The following ST8SIA2 variants were observed in gnomAD, a reference collection of about 807,000 sequenced individuals.
ST8SIA2 encodes the protein alpha-2,8-sialyltransferase 8B.
Under a neutral mutation model 37.6 loss-of-function variants are expected in ST8SIA2, and 22 were observed. The ratio of observed to expected loss-of-function variants is 0.58; its 90% CI spans 0.42 to 0.83. ST8SIA2 has a LOEUF of 0.83. Ranked by LOEUF, ST8SIA2 falls within the 40% of genes least tolerant of loss-of-function variation. The pLI, the probability that ST8SIA2 is intolerant of heterozygous loss-of-function variation, is 0.00. For missense variants in ST8SIA2, 382 were observed against 484.7 expected, an observed-to-expected ratio of 0.79 and a Z score of 1.99; for synonymous variants, 205 against 201.2, an observed-to-expected ratio of 1.02 and a Z score of -0.16.
At chr15:92,443,493 C>T (rs1262345542) in intron 4 of ST8SIA2, among the ~76,000 whole-genome samples, 4 of 152,184 alleles carry the variant, frequency 2.6e-5, no homozygotes, top group African/African-American at 9.7e-5. Flanking sequence ...CCATCCCCTC[C>T]AATCCATACT....
At position 92,433,264 on chromosome 15, in the gene ST8SIA2, T is replaced by G. The variant is rs75773971; in HGVS notation, c.162-983T>G. ...ATGTTTGGTTTGAACTCTTTAAAGC[T>G]TCAGAATGTGTCATCACAAATCCAC... On this transcript the variant is annotated intron_variant, in intron 2 of 5. Coordinates refer to ENST00000268164, the MANE Select transcript of ST8SIA2 (RefSeq NM_006011.4). Among the ~76,000 whole-genome samples, 1,353 of 152,350 alleles carry G rather than the reference T, an allele frequency of 8.9e-3. 15 individuals are homozygous for G. Among genetic ancestry groups the G allele is most frequent in the African/African-American group, 0.03 (1,237 of 41,574 alleles).
Position 92,464,675 on chromosome 15 carries a change from C to T in ST8SIA2, c.*290C>T. ...CAATCCATCTTTGGGGGTGGAAGGACTTGACATGAAAAGAAGCCAGTCCCA... is the reference window on the plus strand; with the variant it reads ...CAATCCATCTTTGGGGGTGGAAGGATTTGACATGAAAAGAAGCCAGTCCCA... On this transcript the variant is annotated 3_prime_UTR_variant, in exon 6 of 6. Coordinates refer to ENST00000268164, the MANE Select transcript of ST8SIA2 (RefSeq NM_006011.4). 2.3e-6 allele frequency: 1 copy of T among 437,926 alleles called. No individual in the cohort carries two copies. The highest frequency in any genetic ancestry group is 2.7e-5 in the South Asian group (1 of 36,872). 27.1% of individuals were successfully genotyped at this position (437,926 alleles called of 1,614,324 possible).
chr15:92,451,716 G>A (rs140047615), intron 5 of ST8SIA2, among the ~76,000 whole-genome samples: 16 of 152,222 alleles, frequency 1.1e-4, no homozygotes, highest in African/African-American at 3.6e-4. Flanking sequence ...CATGCCGCAC[G>A]CCATGCCAAG....
At position 92,465,952 on chromosome 15, in the gene ST8SIA2, G is replaced by C. The variant is rs1309479268; in HGVS notation, c.*1567G>C. The stretch of plus-strand genomic sequence containing the variant: ...ACAGTGTTTTAAAACATATTTGAAA[G>C]GTAAGTAAAAAACTACCATCTTGAA... On this transcript the variant is annotated 3_prime_UTR_variant, in exon 6 of 6. Coordinates refer to ENST00000268164, the MANE Select transcript of ST8SIA2 (RefSeq NM_006011.4). 1 of 152,048 alleles carries C rather than the reference G, an allele frequency of 6.6e-6. No individual in the cohort carries two copies. Among genetic ancestry groups the C allele is most frequent in the Non-Finnish European group, 1.5e-5 (1 of 68,002 alleles). The allele number at this position is 152,048 out of a possible 1,614,324, so 9.4% of individuals were successfully genotyped here. A position where few individuals can be genotyped will look rare whatever the true frequency, so the allele number is the denominator to read the frequency against.
intron 1 of ST8SIA2, among the ~76,000 whole-genome samples, chr15:92,429,041 TC>T (rs1168039839): frequency 1.3e-5 from 2 of 151,976 alleles, no homozygotes; most frequent in Non-Finnish European, 2.9e-5. Flanking sequence ...AGGCAATAAC[TC>T]CCCCCGCAGT....
chr15:92,427,815 C>T (rs1398310342), intron 1 of ST8SIA2, among the ~76,000 whole-genome samples: 1 of 152,206 alleles, frequency 6.6e-6, no homozygotes, highest in Non-Finnish European at 1.5e-5. Context: ...AAAACCCTGT[C>T]TCTACTAAAA....
chr15:92,451,174 A>G (rs2049879137), intron 5 of ST8SIA2, among the ~76,000 whole-genome samples: 1 of 152,212 alleles, frequency 6.6e-6, no homozygotes, highest in African/African-American at 2.4e-5. Context: ...AAGTGGCACA[A>G]CCAGGAACTG....
Position 92,444,733 on chromosome 15 carries a change from G to T in ST8SIA2, c.646G>T (p.Asp216Tyr), listed in dbSNP as rs1175091458. ...NPSVIQRAFE[D>Y]LVNATWREKL... ...CTCGGTCATCCAGCGGGCCTTTGAG[G>T]ACTTGGTCAATGCCACGTGGCGGGA... Residue 216 changes from aspartate (D) to tyrosine (Y), a missense_variant, in exon 5 of 6, where the codon GAC becomes TAC. By Grantham distance (160) the Asp-to-Tyr change is radical. Coordinates refer to ENST00000268164, the MANE Select transcript of ST8SIA2 (RefSeq NM_006011.4). The T allele has an allele frequency of 6.2e-7, 1 of 1,614,240 alleles. No homozygotes were observed.
chr15:92,464,524 A>G lies in ST8SIA2; in HGVS notation c.*139A>G. The stretch of plus-strand genomic sequence containing the variant: ...TAAAGTGTAAAACAGTGACCAGAAT[A>G]TATATATCTATACCTGCATATATAT... On this transcript the variant is annotated 3_prime_UTR_variant, in exon 6 of 6. Coordinates refer to ENST00000268164, the MANE Select transcript of ST8SIA2 (RefSeq NM_006011.4). 1.2e-6 allele frequency: 1 copy of G among 851,986 alleles called. No homozygotes were observed. The highest frequency in any genetic ancestry group is 1.9e-6 in the Non-Finnish European group (1 of 519,574). 52.8% of individuals were successfully genotyped at this position (851,986 alleles called of 1,614,324 possible). A position where few individuals can be genotyped will look rare whatever the true frequency, so the allele number is the denominator to read the frequency against.
In ST8SIA2 at chr15:92,468,050, C is replaced by A. The variant is rs1033525129; in HGVS notation, c.*3665C>A. ...CAGTCTGAGATGCTGACGTTATCTT[C>A]GACTATTCTTCCCTGTCCTGCCTTG... On this transcript the variant is annotated 3_prime_UTR_variant, in exon 6 of 6. Coordinates refer to ENST00000268164, the MANE Select transcript of ST8SIA2 (RefSeq NM_006011.4). 33 of 152,232 alleles carry A rather than the reference C, an allele frequency of 2.2e-4. 2 individuals are homozygous for A. The highest frequency in any genetic ancestry group is 4.8e-5 in the African/African-American group (2 of 41,432). The allele number at this position is 152,232 out of a possible 1,614,324, so 9.4% of individuals were successfully genotyped here.
intron 5 of ST8SIA2, among the ~76,000 whole-genome samples, chr15:92,448,977 T>C (rs1222131110): frequency 6.6e-6 from 1 of 152,178 alleles, no homozygotes; most frequent in Admixed American, 6.5e-5. Flanking sequence ...TGATAAAATA[T>C]ACATAACATA....
Position 92,434,470 on chromosome 15 carries a change from A to T in ST8SIA2, c.290+95A>T, listed in dbSNP as rs900080962. The T allele has an allele frequency of 1.9e-6, 3 of 1,575,506 alleles. No homozygotes were observed. In the African/African-American group the frequency reaches 4.0e-5, roughly 21 times the overall value. ...TCGTCATCTAAAGAAGTCAGGATAG[A>T]AATAAAATGTTTACCTCCCACTGAG... On this transcript the variant is annotated intron_variant, in intron 3 of 5. Coordinates refer to ENST00000268164, the MANE Select transcript of ST8SIA2 (RefSeq NM_006011.4).
chr15:92,460,115 C>A (rs1027514266), intron 5 of ST8SIA2, among the ~76,000 whole-genome samples: 3 of 152,240 alleles, frequency 2.0e-5, no homozygotes, highest in African/African-American at 7.2e-5. Context: ...GCTAACTGAG[C>A]TCCCCAGTCC....
At position 92,464,149 on chromosome 15, in the gene ST8SIA2, T is replaced by C. The variant is rs1266849228; in HGVS notation, c.892T>C (p.Leu298=). The C allele has an allele frequency of 6.2e-7, 1 of 1,602,000 alleles. No homozygotes were observed. Among genetic ancestry groups the C allele is most frequent in the South Asian group, 1.1e-5 (1 of 90,450 alleles). The part of the protein sequence containing the change: ...VHIKRPTTGL[L]MYTLATRFCK... ...CATCAAAAGACCCACCACCGGCCTC[T>C]TGATGTATACCCTGGCCACACGTTT... Residue 298 remains leucine (L), a synonymous_variant, in exon 6 of 6, where the codon TTG becomes CTG. Coordinates refer to ENST00000268164, the MANE Select transcript of ST8SIA2 (RefSeq NM_006011.4).
At chr15:92,462,613 G>C (rs1736586174) in intron 5 of ST8SIA2, among the ~76,000 whole-genome samples, 1 of 152,154 alleles carries the variant, frequency 6.6e-6, no homozygotes, top group Non-Finnish European at 1.5e-5. Context: ...GGGTGTGTTT[G>C]ATTATACAGT....
chr15:92,439,746 C>T (rs2049787428), intron 4 of ST8SIA2, among the ~76,000 whole-genome samples: 1 of 152,134 alleles, frequency 6.6e-6, no homozygotes, highest in African/African-American at 2.4e-5. Flanking sequence ...CAGCTCAGTC[C>T]CTGTTTTTCA....
At chr15:92,406,777 C>T (rs917155365) in intron 1 of ST8SIA2, among the ~76,000 whole-genome samples, 1 of 152,098 alleles carries the variant, frequency 6.6e-6, no homozygotes, top group African/African-American at 2.4e-5. Flanking sequence ...GAGTAGATCA[C>T]TTGAGCCCAG....
intron 1 of ST8SIA2, among the ~76,000 whole-genome samples, chr15:92,407,004 A>G (rs75795573): frequency 0.14 from 21,644 of 150,654 alleles, 2,204 homozygotes; most frequent in African/African-American, 0.27. Flanking sequence ...CAAAAAAAAA[A>G]AAAAGAAAAG....
intron 1 of ST8SIA2, among the ~76,000 whole-genome samples, chr15:92,406,561 T>G (rs1394976670): frequency 6.6e-6 from 1 of 152,206 alleles, no homozygotes; most frequent in African/African-American, 2.4e-5. Flanking sequence ...GGGGGAATGA[T>G]TGGTTTCCCT....
Sources: allele counts gnomAD v4.1 joint callset (sites outside exome capture counted in the v4.1 genomes callset), GRCh38; gene constraint gnomAD v4.1.1; transcripts MANE v1.5; gene names NCBI Gene and HGNC (gene_info 2026-07-23, HGNC 2026-07-21).